GRM8: variants seen among roughly 807,000 people sequenced by gnomAD.
GRM8 encodes metabotropic glutamate receptor 8.
Under a neutral mutation model 87.2 loss-of-function variants are expected in GRM8, and 47 were observed. The ratio of observed to expected loss-of-function variants is 0.54; its 90% CI spans 0.43 to 0.69. The LOEUF is 0.69. Among genes scored for constraint, GRM8 ranks in the 30% least tolerant of loss-of-function variants. The pLI is 0.00. For synonymous variants in GRM8, 396 were observed against 404.5 expected, an observed-to-expected ratio of 0.98 and a Z score of 0.25; for missense variants, 1,019 against 1,139.2, an observed-to-expected ratio of 0.89 and a Z score of 1.52.
chr7:127,105,897 C>T lies in GRM8; in HGVS notation c.727+599G>A, dbSNP rs1023964942. ...AAATGCCTAGACACTTGGATAAGCA[C>T]CTTGAAAAAAATGCCCAGGACAGAC... On this transcript the variant is annotated intron_variant, in intron 3 of 10. Transcript: ENST00000339582. Among the ~76,000 whole-genome samples the T allele has an allele frequency of 5.3e-5, 8 of 152,088 alleles. No homozygotes were observed. In the South Asian group the frequency reaches 6.2e-4, roughly 12 times the overall value.
At chr7:126,959,966 T>G (rs543547010) in intron 3 of GRM8, among the ~76,000 whole-genome samples, 53 of 152,316 alleles carry the variant, frequency 3.5e-4, no homozygotes, top group African/African-American at 1.3e-3. Flanking sequence ...TATGAAGTAA[T>G]TATTACAATG....
At position 127,130,271 on chromosome 7, in the gene GRM8, G is replaced by A. The variant is rs554522302; in HGVS notation, c.511-23559C>T. Among the ~76,000 whole-genome samples the A allele has an allele frequency of 2.0e-5, 3 of 152,294 alleles. No homozygotes were observed. In the South Asian group the frequency reaches 6.2e-4, roughly 32 times the overall value. ...GACTAATACGGATAATTGGTACAGG[G>A]AGTGGGGTACTGCTATAAAAATAAC... On this transcript the variant is annotated intron_variant, in intron 2 of 10. Coordinates refer to ENST00000339582, the MANE Select transcript of GRM8 (RefSeq NM_000845.3).
intron 3 of GRM8, among the ~76,000 whole-genome samples, chr7:127,094,427 T>C (rs1313358425): frequency 2.6e-5 from 4 of 152,148 alleles, no homozygotes; most frequent in South Asian, 2.1e-4. Flanking sequence ...CCAGAACAAA[T>C]ATGGGCTTGG....
rs182883405 is a variant in GRM8, at chr7:127,213,916, C to T, written c.510+28779G>A. On this transcript the variant is annotated intron_variant, in intron 2 of 10. Transcript: ENST00000339582. ...ATTCTACTCCTAGGAATAAACCCAA[C>T]AGGAAAAAACGATAGCCCAAAACTG... 9.1e-4 allele frequency among the ~76,000 whole-genome samples: 139 copies of T among 152,254 alleles called. 2 individuals are homozygous for T. Among genetic ancestry groups the T allele is most frequent in the East Asian group, 5.8e-4 (3 of 5,188 alleles).
At chr7:126,790,809 G>A (rs568782215) in intron 6 of GRM8, among the ~76,000 whole-genome samples, 42 of 152,276 alleles carry the variant, frequency 2.8e-4, no homozygotes, top group Middle Eastern at 3.4e-3. Context: ...GCTCCGTAAA[G>A]TGTGGATGCA....
intron 7 of GRM8, among the ~76,000 whole-genome samples, chr7:126,755,089 C>T (rs550639145): frequency 1.9e-4 from 29 of 151,914 alleles, no homozygotes; most frequent in African/African-American, 6.5e-4. Flanking sequence ...GCACATAACC[C>T]GTAAAGGTAT....
chr7:126,620,668 A>G (rs545551243), intron 7 of GRM8, among the ~76,000 whole-genome samples: 1 of 131,548 alleles, frequency 7.6e-6, no homozygotes, highest in African/African-American at 2.9e-5. Flanking sequence ...CCAAGCAGGC[A>G]TAATAACCCC....
intron 8 of GRM8, among the ~76,000 whole-genome samples, chr7:126,560,833 G>C (rs1423214955): frequency 6.6e-6 from 1 of 152,114 alleles, no homozygotes; most frequent in African/African-American, 2.4e-5. Flanking sequence ...TATCAAGTTG[G>C]CTAAATAGGA....
intron 2 of GRM8, among the ~76,000 whole-genome samples, chr7:127,227,562 A>G (rs914444324): frequency 1.8e-4 from 28 of 152,210 alleles, no homozygotes; most frequent in Non-Finnish European, 3.1e-4. Context: ...GTAAGCGCAA[A>G]CCACAAGTAT....
intron 9 of GRM8, chr7:126,511,259 C>T (rs1811330347): frequency 6.6e-6 from 1 of 152,046 alleles, no homozygotes; most frequent in African/African-American, 2.4e-5. Context: ...TGATCACCCA[C>T]CACTTCTGGT....
In GRM8 at chr7:126,814,367, C is replaced by A. The variant is rs79607549; in HGVS notation, c.1157-44302G>T. 4.7e-3 allele frequency among the ~76,000 whole-genome samples: 716 copies of A among 152,154 alleles called. 8 individuals carry two copies. The highest frequency in any genetic ancestry group is 8.8e-3 in the Non-Finnish European group (599 of 67,966). On this transcript the variant is annotated intron_variant, in intron 6 of 10. Transcript: ENST00000339582. ...GGACCTTATCAGATACTTTTAACAA[C>A]AAATACATCATTGAAACTCCAGAGA...
intron 6 of GRM8, among the ~76,000 whole-genome samples, chr7:126,817,169 T>A (rs1444364455): frequency 6.6e-6 from 1 of 151,900 alleles, no homozygotes; most frequent in Non-Finnish European, 1.5e-5. Context: ...ATGGTGTTCA[T>A]AAAAATGTAT....
In GRM8 at chr7:126,685,153, A is replaced by G. The variant is rs1417742061; in HGVS notation, c.1358-75655T>C. 1.3e-5 allele frequency among the ~76,000 whole-genome samples: 2 copies of G among 152,164 alleles called. No individual in the cohort carries two copies. Among genetic ancestry groups the G allele is most frequent in the Non-Finnish European group, 2.9e-5 (2 of 68,002 alleles). On this transcript the variant is annotated intron_variant, in intron 7 of 10. Coordinates refer to ENST00000339582, the MANE Select transcript of GRM8 (RefSeq NM_000845.3). This position sits in a 1 kb window ranked among gnomAD's most constrained non-coding sequence, Gnocchi z 4.2. ...CTTGCCACTCTTGACAGCCACTGCT[A>G]TGGGGAGTTCATGGGGAAGAGGCGA... is the stretch of plus-strand genomic sequence containing the variant.
At chr7:126,587,331 G>A (rs1169328587) in intron 8 of GRM8, among the ~76,000 whole-genome samples, 6 of 152,210 alleles carry the variant, frequency 3.9e-5, no homozygotes, top group African/African-American at 1.2e-4. Flanking sequence ...TACTGGGTAT[G>A]TACCCAAAGG....
At chr7:126,848,282 T>C (rs1321550869) in intron 6 of GRM8, among the ~76,000 whole-genome samples, 2 of 152,196 alleles carry the variant, frequency 1.3e-5, no homozygotes, top group African/African-American at 2.4e-5. Flanking sequence ...AGTCTAGAGC[T>C]GTACTGTTCA....
intron 7 of GRM8, among the ~76,000 whole-genome samples, chr7:126,768,762 G>T (rs569840927): frequency 2.0e-5 from 3 of 151,842 alleles, no homozygotes; most frequent in Non-Finnish European, 2.9e-5. Context: ...TTCCTCTTTT[G>T]ATCAATTTCA....
At chr7:127,141,588 T>G (rs1028172773) in intron 2 of GRM8, among the ~76,000 whole-genome samples, 9 of 152,298 alleles carry the variant, frequency 5.9e-5, no homozygotes, top group African/African-American at 2.2e-4. Flanking sequence ...ATCAAAACAC[T>G]TAATTGCATC....
intron 7 of GRM8, among the ~76,000 whole-genome samples, chr7:126,612,316 T>C (rs1326555163): frequency 6.6e-6 from 1 of 152,190 alleles, no homozygotes. Flanking sequence ...TTCAACACAA[T>C]GCCACCTATA....
intron 2 of GRM8, among the ~76,000 whole-genome samples, chr7:127,190,543 TA>T (rs35809104): frequency 5.2e-3 from 723 of 138,340 alleles, no homozygotes; most frequent in Admixed American, 5.1e-3. Flanking sequence ...GACTCGGTCT[TA>T]AAAAAAAAAA....
Sources: allele counts gnomAD v4.1 joint callset (sites outside exome capture counted in the v4.1 genomes callset), GRCh38; gene constraint gnomAD v4.1.1; non-coding constraint Gnocchi (gnomAD v3.1); transcripts MANE v1.5; gene names NCBI Gene and HGNC (gene_info 2026-07-23, HGNC 2026-07-21).